ZNF423: variants seen among roughly 807,000 people sequenced by gnomAD.
The protein encoded by ZNF423 is zinc finger protein 423, also known as Ebf-associated zinc finger protein.
ZNF423 carries 12 observed loss-of-function variants against 95.8 expected under a neutral mutation model. That is an observed-to-expected ratio of 0.13 (90% CI 0.08 to 0.20). ZNF423 has a LOEUF of 0.20. Among genes scored for constraint, ZNF423 ranks in the 10% least tolerant of loss-of-function variants. The pLI is 1.00. For missense variants in ZNF423, 1,316 were observed against 1,737.1 expected (o/e 0.76, Z 4.31); for synonymous variants, 749 against 711.9 (o/e 1.05, Z -0.83).
At chr16:49,803,156 G>A (rs918955137) in intron 1 of ZNF423, among the ~76,000 whole-genome samples, 1 of 152,184 alleles carries the variant, frequency 6.6e-6, no homozygotes, top group Non-Finnish European at 1.5e-5. Context: ...CTACTCAGGA[G>A]GCTGAGGCAG....
chr16:49,511,181 C>T lies in ZNF423; in HGVS notation c.3849+12443G>A, dbSNP rs56973294. 5.6e-3 allele frequency among the ~76,000 whole-genome samples: 857 copies of T among 152,320 alleles called. 11 individuals carry two copies. Among genetic ancestry groups the T allele is most frequent in the African/African-American group, 0.019 (792 of 41,568 alleles). ...CCCCTCCGGTGCCCGCTCCTCACTGCGCCTCTGTGGTGACCAGGGAGAAGC... is the reference window on the plus strand; with the variant it reads ...CCCCTCCGGTGCCCGCTCCTCACTGTGCCTCTGTGGTGACCAGGGAGAAGC... On this transcript the variant is annotated intron_variant, in intron 7 of 7. Coordinates refer to ENST00000563137, the MANE Select transcript of ZNF423 (RefSeq NM_001379286.1).
At chr16:49,503,492 C>A (rs1047468386) in intron 7 of ZNF423, among the ~76,000 whole-genome samples, 1 of 152,110 alleles carries the variant, frequency 6.6e-6, no homozygotes, top group South Asian at 2.1e-4. Context: ...CCGGAAGCCC[C>A]TCCCCCTCCC....
chr16:49,660,089 C>T (rs1401201656), intron 3 of ZNF423, among the ~76,000 whole-genome samples: 2 of 152,178 alleles, frequency 1.3e-5, no homozygotes, highest in Admixed American at 1.3e-4. Flanking sequence ...TTAAGGTTTC[C>T]TCACAGGTAC....
At chr16:49,562,261 G>C (rs541824560) in intron 5 of ZNF423, among the ~76,000 whole-genome samples, 1 of 152,346 alleles carries the variant, frequency 6.6e-6, no homozygotes, top group East Asian at 1.9e-4. Context: ...AAGGATAATG[G>C]TTAGGACATC....
At chr16:49,629,213 G>A (rs1972410983) in intron 4 of ZNF423, among the ~76,000 whole-genome samples, 1 of 152,116 alleles carries the variant, frequency 6.6e-6, no homozygotes, top group African/African-American at 2.4e-5. Context: ...TAACCTACCT[G>A]TGTCTTTATA....
intron 3 of ZNF423, among the ~76,000 whole-genome samples, chr16:49,722,952 AAT>A (rs1491336942): frequency 2.9e-5 from 4 of 137,876 alleles, no homozygotes; most frequent in Admixed American, 7.6e-5. Context: ...ACGGGGTTCT[AAT>A]TTTTTTTTTT....
At chr16:49,807,686 G>A (rs1017755366) in intron 1 of ZNF423, among the ~76,000 whole-genome samples, 5 of 152,206 alleles carry the variant, frequency 3.3e-5, no homozygotes, top group African/African-American at 9.7e-5. Context: ...GCCTTTGGGG[G>A]ACCCCAGGCA....
At chr16:49,497,660 T>A (rs1371531542) in intron 7 of ZNF423, among the ~76,000 whole-genome samples, 1 of 152,164 alleles carries the variant, frequency 6.6e-6, no homozygotes, top group Non-Finnish European at 1.5e-5. Flanking sequence ...CACTGGCCAC[T>A]CCCTGGCAGG....
At chr16:49,820,252 C>G (rs1042865017) in intron 1 of ZNF423, among the ~76,000 whole-genome samples, 1 of 152,230 alleles carries the variant, frequency 6.6e-6, no homozygotes, top group Non-Finnish European at 1.5e-5. Flanking sequence ...CTTGATTGAC[C>G]TGCTAGAGCA....
Position 49,618,769 on chromosome 16 carries a change from G to T in ZNF423, c.3601+7401C>A, listed in dbSNP as rs139058183. 2.6e-3 allele frequency among the ~76,000 whole-genome samples: 391 copies of T among 152,244 alleles called. 4 individuals carry two copies. The highest frequency in any genetic ancestry group is 8.3e-3 in the African/African-American group (345 of 41,544). Reference sequence around the variant, plus strand: ...CCCTAAGAGCTCTTCCTCTGGCATGGTATCATCTGCCACCTGTCACCCAAA... The same window carrying T: ...CCCTAAGAGCTCTTCCTCTGGCATGTTATCATCTGCCACCTGTCACCCAAA... On this transcript the variant is annotated intron_variant, in intron 5 of 7. Transcript: ENST00000563137.
chr16:49,692,295 T>C (rs1475099067), intron 3 of ZNF423, among the ~76,000 whole-genome samples: 1 of 152,056 alleles, frequency 6.6e-6, no homozygotes, highest in African/African-American at 2.4e-5. Flanking sequence ...TATGAGGACT[T>C]CTTCCCATGG....
chr16:49,604,800 T>A (rs913123976), intron 5 of ZNF423, among the ~76,000 whole-genome samples: 2 of 152,148 alleles, frequency 1.3e-5, no homozygotes, highest in African/African-American at 4.8e-5. Context: ...GCCTGCTGCA[T>A]CCACCCCATT....
rs544499034 is a variant in ZNF423 at position 49,673,364 on chromosome 16, G to A, written c.302-34490C>T. 2.0e-5 allele frequency among the ~76,000 whole-genome samples: 3 copies of A among 152,280 alleles called. No homozygotes were observed. In the South Asian group the frequency reaches 6.2e-4, roughly 32 times the overall value. On this transcript the variant is annotated intron_variant, in intron 3 of 7. Coordinates refer to ENST00000563137, the MANE Select transcript of ZNF423 (RefSeq NM_001379286.1). ...AGATTGTTGCATAGGCAAAATCCTGGCATTCTATTACCAAATAATTACATG... is the reference window on the plus strand; with the variant it reads ...AGATTGTTGCATAGGCAAAATCCTGACATTCTATTACCAAATAATTACATG...
At chr16:49,673,315 G>C (rs2030899833) in intron 3 of ZNF423, among the ~76,000 whole-genome samples, 1 of 152,184 alleles carries the variant, frequency 6.6e-6, no homozygotes, top group Non-Finnish European at 1.5e-5. Context: ...TCTCTTGATT[G>C]GCAATTTTTT....
chr16:49,542,242 G>A (rs770522477), intron 5 of ZNF423, among the ~76,000 whole-genome samples: 7 of 152,176 alleles, frequency 4.6e-5, no homozygotes, highest in Admixed American at 6.5e-5. Flanking sequence ...TGCCTTCATG[G>A]GGGCAAATTG....
chr16:49,779,032 T>A (rs755086783), intron 2 of ZNF423, among the ~76,000 whole-genome samples: 3 of 152,110 alleles, frequency 2.0e-5, no homozygotes, highest in Non-Finnish European at 4.4e-5. Flanking sequence ...AAACCCAGAT[T>A]TTGCTCTAAA....
chr16:49,577,757 A>G (rs1970543225), intron 5 of ZNF423, among the ~76,000 whole-genome samples: 2 of 152,216 alleles, frequency 1.3e-5, no homozygotes, highest in Admixed American at 6.5e-5. Context: ...CTGATGGCAC[A>G]AGAGGGAGAC....
At chr16:49,669,979 G>T (rs60467877) in intron 3 of ZNF423, among the ~76,000 whole-genome samples, 47 of 152,358 alleles carry the variant, frequency 3.1e-4, no homozygotes, top group African/African-American at 1.1e-3. Flanking sequence ...AGGGTAACCA[G>T]GATAGGAAGG....
intron 1 of ZNF423, among the ~76,000 whole-genome samples, chr16:49,825,416 T>C (rs984690301): frequency 7.2e-5 from 11 of 152,108 alleles, no homozygotes; most frequent in African/African-American, 2.2e-4. Flanking sequence ...TAAGCTCCCA[T>C]TCTCTCTTTC....
Sources: gnomAD v4.1 joint callset for allele counts (sites outside exome capture counted in the v4.1 genomes callset) on GRCh38, gnomAD v4.1.1 for gene constraint, MANE v1.5 for transcripts, NCBI Gene and HGNC (gene_info 2026-07-23, HGNC 2026-07-21) for gene names.